The following HS2ST1 variants were observed in gnomAD, a reference collection of about 807,000 sequenced individuals.
The protein encoded by HS2ST1 is 2-O-sulfotransferase.
HS2ST1 carries 18 observed loss-of-function variants against 42.9 expected under a neutral mutation model. The ratio of observed to expected loss-of-function variants is 0.42; its 90% CI spans 0.29 to 0.62. HS2ST1 has a LOEUF of 0.62. Ranked by LOEUF, HS2ST1 falls within the 20% of genes least tolerant of loss-of-function variation. The pLI, the probability that HS2ST1 is intolerant of heterozygous loss-of-function variation, is 0.21. For synonymous variants in HS2ST1, 146 were observed against 152.9 expected (o/e 0.95, Z 0.33); for missense variants, 334 against 433.8 (o/e 0.77, Z 2.04).
intron 1 of HS2ST1, among the ~76,000 whole-genome samples, chr1:86,978,656 C>T (rs943907994): frequency 6.6e-6 from 1 of 151,960 alleles, no homozygotes; most frequent in African/African-American, 2.4e-5. Context: ...AAGATCTGAA[C>T]ATTGAGAATA....
chr1:87,090,040 T>C (rs1323558629), intron 3 of HS2ST1, among the ~76,000 whole-genome samples: 1 of 152,006 alleles, frequency 6.6e-6, no homozygotes, highest in Admixed American at 6.6e-5. Flanking sequence ...AAGAATGGAA[T>C]CACTAACCCA....
chr1:87,079,302 TA>T (rs934142725), intron 2 of HS2ST1, among the ~76,000 whole-genome samples: 10 of 152,046 alleles, frequency 6.6e-5, no homozygotes, highest in Non-Finnish European at 1.3e-4. Context: ...CACGCCTGGC[TA>T]ATTTTTTGTA....
intron 1 of HS2ST1, among the ~76,000 whole-genome samples, chr1:87,068,974 A>C (rs1217084411): frequency 6.6e-6 from 1 of 152,176 alleles, no homozygotes; most frequent in Non-Finnish European, 1.5e-5. Flanking sequence ...CTGGGACTAC[A>C]GGTGCACGCC....
At chr1:86,969,332 T>C (rs564485298) in intron 1 of HS2ST1, among the ~76,000 whole-genome samples, 1 of 152,364 alleles carries the variant, frequency 6.6e-6, no homozygotes, top group Non-Finnish European at 1.5e-5. Context: ...CACACATTTT[T>C]AACTTGTTTA....
intron 1 of HS2ST1, among the ~76,000 whole-genome samples, chr1:86,954,137 G>A (rs915749196): frequency 6.6e-6 from 1 of 151,402 alleles, no homozygotes; most frequent in South Asian, 2.1e-4. Context: ...AGGTCACGAG[G>A]TCAGGAGTTT....
intron 1 of HS2ST1, among the ~76,000 whole-genome samples, chr1:86,976,704 G>GTATATATA (rs147039703): frequency 0.043 from 3,402 of 79,690 alleles, 352 homozygotes; most frequent in African/African-American, 0.076. Flanking sequence ...TTATAAAATT[G>GTATATATA]TATATATATA....
At position 86,935,778 on chromosome 1, in the gene HS2ST1, G is replaced by C. The variant is rs1660634725; in HGVS notation, c.124+20618G>C. Among the ~76,000 whole-genome samples the C allele has an allele frequency of 2.6e-5, 4 of 151,840 alleles. No homozygotes were observed. In the South Asian group the frequency reaches 8.3e-4, roughly 32 times the overall value. ...CACACATGGCCTCATAATTTTCTTT[G>C]TCTCATTTACAGAAGTTTCTTGTGA... On this transcript the variant is annotated intron_variant, in intron 1 of 6. Transcript: ENST00000370550.
intron 1 of HS2ST1, among the ~76,000 whole-genome samples, chr1:86,946,409 A>T (rs962390866): frequency 4.6e-5 from 7 of 152,026 alleles, no homozygotes; most frequent in African/African-American, 1.7e-4. Flanking sequence ...TAGGATTAGA[A>T]CTCTTTTTAC....
chr1:87,037,461 G>A (rs1393232821), intron 1 of HS2ST1, among the ~76,000 whole-genome samples: 1 of 151,436 alleles, frequency 6.6e-6, no homozygotes, highest in African/African-American at 2.4e-5. Flanking sequence ...TTAATTTTTA[G>A]AAATTAAAAG....
intron 1 of HS2ST1, among the ~76,000 whole-genome samples, chr1:86,950,892 A>T (rs1009273128): frequency 6.6e-6 from 1 of 152,180 alleles, no homozygotes; most frequent in African/African-American, 2.4e-5. Flanking sequence ...AGACAGTTCC[A>T]GGAAAAGCCC....
chr1:87,014,991 T>C (rs1367233075), intron 1 of HS2ST1, among the ~76,000 whole-genome samples: 1 of 152,230 alleles, frequency 6.6e-6, no homozygotes, highest in Non-Finnish European at 1.5e-5. Context: ...CAGTTTGTTA[T>C]TAAGGTTGAC....
chr1:87,037,629 T>A (rs1650413627), intron 1 of HS2ST1, among the ~76,000 whole-genome samples: 1 of 151,734 alleles, frequency 6.6e-6, no homozygotes. Flanking sequence ...TCTCCAATTC[T>A]GATCCTCTGT....
At chr1:87,010,830 G>T (rs1309676483) in intron 1 of HS2ST1, among the ~76,000 whole-genome samples, 2 of 152,146 alleles carry the variant, frequency 1.3e-5, no homozygotes, top group African/African-American at 4.8e-5. Flanking sequence ...CTGTTGTTCA[G>T]GCTGGAGTGC....
intron 1 of HS2ST1, among the ~76,000 whole-genome samples, chr1:86,941,360 C>A (rs919965929): frequency 2.6e-5 from 4 of 151,940 alleles, no homozygotes; most frequent in Non-Finnish European, 4.4e-5. Context: ...TGGGGAGGGG[C>A]TGCCAGGTTG....
intron 1 of HS2ST1, among the ~76,000 whole-genome samples, chr1:87,024,851 C>T (rs1650044867): frequency 6.6e-6 from 1 of 152,160 alleles, no homozygotes; most frequent in Non-Finnish European, 1.5e-5. Context: ...AACATTTATA[C>T]ATCTGTGTTT....
At position 87,085,866 on chromosome 1, in the gene HS2ST1, G is replaced by GA. The variant is rs546622024; in HGVS notation, c.449+1593dup. ...GATATATGCTGAGGTTCTTGTAGTT[G>GA]AAAAAATAAGGCTTTTTGAAGAGAT... On this transcript the variant is annotated intron_variant, in intron 3 of 6. Transcript: ENST00000370550. Among the ~76,000 whole-genome samples the GA allele has an allele frequency of 1.2e-3, 181 of 152,242 alleles. 1 individual carries two copies. The highest frequency in any genetic ancestry group is 4.1e-3 in the African/African-American group (170 of 41,568).
intron 1 of HS2ST1, among the ~76,000 whole-genome samples, chr1:87,000,326 A>G (rs2100568683): frequency 6.6e-6 from 1 of 152,360 alleles, no homozygotes; most frequent in African/African-American, 2.4e-5. Context: ...ACTAAGGAAC[A>G]TTGAAGATTA....
At chr1:86,973,378 C>T (rs986468045) in intron 1 of HS2ST1, among the ~76,000 whole-genome samples, 9 of 151,538 alleles carry the variant, frequency 5.9e-5, no homozygotes, top group East Asian at 1.9e-4. Flanking sequence ...GCTAGGGATG[C>T]GAAAATGAAC....
intron 1 of HS2ST1, among the ~76,000 whole-genome samples, chr1:86,928,463 A>G (rs996198699): frequency 6.6e-6 from 1 of 151,910 alleles, no homozygotes; most frequent in African/African-American, 2.4e-5. Flanking sequence ...TTCTTGATTT[A>G]TATTCTGTAT....
Sources: allele counts gnomAD v4.1 joint callset (sites outside exome capture counted in the v4.1 genomes callset), GRCh38; gene constraint gnomAD v4.1.1; transcripts MANE v1.5; gene names NCBI Gene and HGNC (gene_info 2026-07-23, HGNC 2026-07-21).